Variants in RCAN3 observed in about 807,000 individuals in gnomAD.
The protein encoded by RCAN3 is calcipressin-3.
RCAN3 carries 19 observed loss-of-function variants against 21.9 expected under a neutral mutation model. That is an observed-to-expected ratio of 0.87 (90% CI 0.61 to 1.27). RCAN3 has a LOEUF of 1.27. RCAN3 is among the 50% of genes most tolerant of loss of function. The pLI is 0.00. For synonymous variants in RCAN3, 114 were observed against 112.3 expected (o/e 1.01, Z -0.09); for missense variants, 240 against 300.1 (o/e 0.80, Z 1.48).
chr1:24,523,225 G>A (rs1057044794), intron 2 of RCAN3, among the ~76,000 whole-genome samples: 7 of 151,950 alleles, frequency 4.6e-5, no homozygotes, highest in African/African-American at 1.5e-4. Flanking sequence ...CACTGCGCCC[G>A]GCTAATTTTT....
chr1:24,506,432 T>C (rs1459032589), intron 1 of RCAN3, among the ~76,000 whole-genome samples: 1 of 152,184 alleles, frequency 6.6e-6, no homozygotes, highest in Non-Finnish European at 1.5e-5. Flanking sequence ...AATAGTATTA[T>C]ATCAATGTTA....
chr1:24,529,550 CTT>C (rs35257073), intron 2 of RCAN3, among the ~76,000 whole-genome samples: 6 of 89,516 alleles, frequency 6.7e-5, no homozygotes, highest in Non-Finnish European at 6.5e-5. Context: ...CTCTGTCTCT[CTT>C]TTTTTTTTTT....
At chr1:24,523,637 C>T (rs143503844) in intron 2 of RCAN3, among the ~76,000 whole-genome samples, 28,773 of 138,622 alleles carry the variant, frequency 0.21, 3,662 homozygotes, top group African/African-American at 0.39. Flanking sequence ...CACACACACA[C>T]ACACATATAT....
At chr1:24,510,928 G>A (rs1280113608) in intron 1 of RCAN3, among the ~76,000 whole-genome samples, 5 of 152,106 alleles carry the variant, frequency 3.3e-5, no homozygotes, top group East Asian at 1.9e-4. Flanking sequence ...CAATATTGTC[G>A]TGTCTCAGAG....
At chr1:24,518,950 A>G (rs1648564992) in intron 2 of RCAN3, among the ~76,000 whole-genome samples, 2 of 151,736 alleles carry the variant, frequency 1.3e-5, no homozygotes, top group Non-Finnish European at 2.9e-5. Context: ...ATTTTTTTGT[A>G]TTTTTAGTAA....
At chr1:24,527,006 C>G (rs1441100397) in intron 2 of RCAN3, among the ~76,000 whole-genome samples, 1 of 152,122 alleles carries the variant, frequency 6.6e-6, no homozygotes, top group African/African-American at 2.4e-5. Flanking sequence ...AAAATCCTTA[C>G]TATATCTATA....
chr1:24,521,907 G>T (rs1029602924), intron 2 of RCAN3, among the ~76,000 whole-genome samples: 2 of 151,820 alleles, frequency 1.3e-5, no homozygotes, highest in African/African-American at 4.8e-5. Context: ...GGTTGCTGGG[G>T]GGGGTGGGGA....
rs577587095 is a variant in RCAN3, at chr1:24,535,068, A to C, written c.542-25A>C. The C allele has an allele frequency of 3.8e-6, 6 of 1,586,822 alleles. No individual in the cohort carries two copies. The East Asian group carries it at 1.2e-4, about 31-fold the overall frequency. On this transcript the variant is annotated intron_variant, in intron 4 of 4. Coordinates refer to ENST00000374395, the MANE Select transcript of RCAN3 (RefSeq NM_013441.4). ...TTTTGCTGGAAGTGATGCTTTTGTC[A>C]TGGTTATTTTGTTTGCCTCTGCAGG...
intron 1 of RCAN3, among the ~76,000 whole-genome samples, chr1:24,506,704 G>C (rs1424873743): frequency 1.4e-5 from 2 of 142,788 alleles, no homozygotes; most frequent in African/African-American, 5.3e-5. Flanking sequence ...AAAAAAAAAA[G>C]GTACTCAAAA....
chr1:24,539,244 A>G lies in RCAN3; in HGVS notation c.*3967A>G, dbSNP rs1286420997. The G allele has an allele frequency of 6.6e-6, 1 of 152,118 alleles. No homozygotes were observed. Among genetic ancestry groups the G allele is most frequent in the South Asian group, 2.1e-4 (1 of 4,826 alleles). 9.4% of individuals were successfully genotyped at this position (152,118 alleles called of 1,614,324 possible). ...CTAATTCCTGGCATCAGAAAAAAAA[A>G]AAGGCATGAGGTGGGAGGATTCTTT... On this transcript the variant is annotated 3_prime_UTR_variant, in exon 5 of 5. Coordinates refer to ENST00000374395, the MANE Select transcript of RCAN3 (RefSeq NM_013441.4).
intron 2 of RCAN3, among the ~76,000 whole-genome samples, chr1:24,520,688 G>A (rs196408): frequency 7.3e-6 from 1 of 136,792 alleles, no homozygotes; most frequent in Non-Finnish European, 1.6e-5. Flanking sequence ...GTTGTGGGGT[G>A]GGGGGAGGGG....
At position 24,514,336 on chromosome 1, in the gene RCAN3, G is replaced by C. The variant is rs1483952284; in HGVS notation, c.-37G>C. The stretch of plus-strand genomic sequence containing the variant: ...CAGTGGGTGCCTGATAGACATCCTA[G>C]GACTATACAGAAGGAAAAGGCCCAC... On this transcript the variant is annotated 5_prime_UTR_variant, in exon 2 of 5. Transcript: ENST00000374395. The C allele has an allele frequency of 6.3e-6, 10 of 1,579,264 alleles. No individual in the cohort carries two copies. Among genetic ancestry groups the C allele is most frequent in the Middle Eastern group, 3.4e-4 (2 of 5,876 alleles).
intron 1 of RCAN3, among the ~76,000 whole-genome samples, chr1:24,507,994 C>T (rs531395865): frequency 1.3e-5 from 2 of 152,310 alleles, no homozygotes; most frequent in Non-Finnish European, 2.9e-5. Flanking sequence ...AGGAGAATCG[C>T]TTGAACCCTG....
At chr1:24,517,412 C>T (rs779397701) in intron 2 of RCAN3, among the ~76,000 whole-genome samples, 2 of 152,194 alleles carry the variant, frequency 1.3e-5, no homozygotes, top group Non-Finnish European at 2.9e-5. Flanking sequence ...CCACCGTATC[C>T]GGCCAATCTT....
rs578111021 is a variant in RCAN3 at position 24,533,221 on chromosome 1, G to T, written c.508G>T (p.Asp170Tyr). ...SEDAMPVINYDLLCAVSKLGP... is the reference protein window; with the variant it reads ...SEDAMPVINYYLLCAVSKLGP... ...AGATGCGATGCCTGTTATAAATTAT[G>T]ATTTACTCTGTGCTGTTTCCAAATT... Residue 170 changes from aspartate to tyrosine, a missense_variant, in exon 4 of 5, where the codon GAT becomes TAT. Physicochemically the swap from Asp to Tyr is radical, Grantham distance 160. Coordinates refer to ENST00000374395, the MANE Select transcript of RCAN3 (RefSeq NM_013441.4). 3.1e-6 allele frequency: 5 copies of T among 1,594,622 alleles called. No individual in the cohort carries two copies. The South Asian group carries it at 3.4e-5, about 11-fold the overall frequency.
At chr1:24,505,225 C>CTTTTTTTTTTTTTTTTTTTT (rs1351108344) in intron 1 of RCAN3, among the ~76,000 whole-genome samples, 2 of 109,564 alleles carry the variant, frequency 1.8e-5, no homozygotes, top group Non-Finnish European at 3.6e-5. Context: ...TTTTTTTTCT[C>CTTTTTTTTTTTTTTTTTTTT]TTTTTTCTTT....
At chr1:24,533,987 A>G (rs148804979) in intron 4 of RCAN3, among the ~76,000 whole-genome samples, 1 of 152,288 alleles carries the variant, frequency 6.6e-6, no homozygotes, top group Non-Finnish European at 1.5e-5. Flanking sequence ...ATTACAAGGA[A>G]TTGGTGGTGA....
intron 2 of RCAN3, among the ~76,000 whole-genome samples, chr1:24,523,469 C>T (rs114017178): frequency 0.069 from 10,508 of 151,942 alleles, 1,171 homozygotes; most frequent in African/African-American, 0.23. Flanking sequence ...TCAACTGTCT[C>T]TGTAACAGTA....
intron 1 of RCAN3, among the ~76,000 whole-genome samples, chr1:24,505,789 C>CTAGCT (rs1170474847): frequency 6.6e-6 from 1 of 152,122 alleles, no homozygotes; most frequent in Non-Finnish European, 1.5e-5. Context: ...AAAAGTACAT[C>CTAGCT]TAGCTAAGAT....
Sources: allele counts gnomAD v4.1 joint callset (sites outside exome capture counted in the v4.1 genomes callset), GRCh38; gene constraint gnomAD v4.1.1; transcripts MANE v1.5; gene names NCBI Gene and HGNC (gene_info 2026-07-23, HGNC 2026-07-21).